The following PDE4D variants were observed in gnomAD, a reference collection of about 807,000 sequenced individuals.
The protein encoded by PDE4D is 3',5'-cyclic-AMP phosphodiesterase 4D.
PDE4D carries 24 observed loss-of-function variants against 87.4 expected under a neutral mutation model. The observed-to-expected ratio is 0.27, with a 90% CI of 0.20 to 0.39. The LOEUF is 0.39. Ranked by LOEUF, PDE4D falls within the 10% of genes least tolerant of loss-of-function variation. The probability of loss-of-function intolerance (pLI) is 1.00; values close to 1 mark genes in which losing one functional copy is unlikely to be tolerated. For synonymous variants in PDE4D, 384 were observed against 383.2 expected (o/e 1.00, Z -0.02); for missense variants, 714 against 1,041.0 (o/e 0.69, Z 4.32).
intron 1 of PDE4D, among the ~76,000 whole-genome samples, chr5:59,580,857 T>C (rs561387718): frequency 6.6e-6 from 1 of 152,298 alleles, no homozygotes; most frequent in East Asian, 1.9e-4. Flanking sequence ...ATTAGAAACC[T>C]GGAGTGCTTT....
chr5:60,345,773 T>C (rs1209814749), intron 1 of PDE4D, among the ~76,000 whole-genome samples: 1 of 152,106 alleles, frequency 6.6e-6, no homozygotes, highest in African/African-American at 2.4e-5. Context: ...GATGACTGAA[T>C]TTCAGATTTT....
chr5:59,643,674 G>A (rs298029), intron 1 of PDE4D, among the ~76,000 whole-genome samples: 111,683 of 152,112 alleles, frequency 0.73, 41,592 homozygotes, highest in South Asian at 0.91. Flanking sequence ...GTGTAAGCAC[G>A]GTACAATTAG....
In PDE4D at chr5:59,822,021, TATAA is replaced by T. The variant is rs1254047485; in HGVS notation, c.455+71143_455+71146del. Among the ~76,000 whole-genome samples, 9 of 152,338 alleles carry T rather than the reference TATAA, an allele frequency of 5.9e-5. No homozygotes were observed. In the South Asian group the frequency reaches 6.2e-4, roughly 11 times the overall value. ...TGCATATTTCTTTATTCCCAATCGT[TATAA>T]ATAAATTTTAAATGTTTCCCACAAA... On this transcript the variant is annotated intron_variant, in intron 1 of 14. Coordinates refer to ENST00000340635, the MANE Select transcript of PDE4D (RefSeq NM_001104631.2).
intron 6 of PDE4D, among the ~76,000 whole-genome samples, chr5:59,011,875 A>C (rs978623419): frequency 6.6e-5 from 10 of 152,204 alleles, no homozygotes; most frequent in African/African-American, 2.4e-4. Context: ...AGTTGAAATG[A>C]AGGAAAAAAT....
intron 1 of PDE4D, among the ~76,000 whole-genome samples, chr5:60,292,461 TATTG>T (rs943636390): frequency 6.6e-6 from 1 of 152,228 alleles, no homozygotes; most frequent in Admixed American, 6.5e-5. Context: ...CAAGAATCTT[TATTG>T]ATTAACTTGT....
chr5:59,829,895 C>A (rs1740920931), intron 1 of PDE4D, among the ~76,000 whole-genome samples: 1 of 151,888 alleles, frequency 6.6e-6, no homozygotes, highest in Non-Finnish European at 1.5e-5. Flanking sequence ...CACCTTCTTT[C>A]TTTAAAATAC....
chr5:59,725,375 T>C (rs1756453780), intron 1 of PDE4D, among the ~76,000 whole-genome samples: 1 of 152,080 alleles, frequency 6.6e-6, no homozygotes, highest in Non-Finnish European at 1.5e-5. Flanking sequence ...ACACCCAAGA[T>C]ATAAACACAT....
chr5:59,696,725 A>G (rs1469350102), intron 1 of PDE4D, among the ~76,000 whole-genome samples: 2 of 152,214 alleles, frequency 1.3e-5, no homozygotes, highest in Non-Finnish European at 2.9e-5. Flanking sequence ...TATTTATTCC[A>G]GTCTCATACT....
intron 1 of PDE4D, among the ~76,000 whole-genome samples, chr5:60,341,380 C>G (rs1042371822): frequency 2.8e-4 from 43 of 152,254 alleles, no homozygotes; most frequent in African/African-American, 1.0e-3. Context: ...TGTGACCATG[C>G]CCTTTCACAG....
intron 1 of PDE4D, among the ~76,000 whole-genome samples, chr5:59,333,345 AG>A (rs1437783415): frequency 6.6e-6 from 1 of 152,108 alleles, no homozygotes; most frequent in Non-Finnish European, 1.5e-5. Context: ...TATATCGAGA[AG>A]GGGGAAGTTA....
At chr5:59,975,486 ATCT>A (rs1761226657) in intron 3 of PDE4D, among the ~76,000 whole-genome samples, 1 of 152,206 alleles carries the variant, frequency 6.6e-6, no homozygotes. Context: ...CTATATCAGT[ATCT>A]TCTTATATTC....
rs138077554 is a variant in PDE4D, at chr5:59,717,315, A to G, written c.455+175853T>C. ...ATAAATTCTCACTCTCAGAAATGCA[A>G]ATATTTCCCTTGCTGTGGGGATGCA... On this transcript the variant is annotated intron_variant, in intron 1 of 14. Transcript: ENST00000340635. 2.9e-4 allele frequency among the ~76,000 whole-genome samples: 44 copies of G among 152,300 alleles called. 1 individual carries two copies. Among genetic ancestry groups the G allele is most frequent in the African/African-American group, 9.9e-4 (41 of 41,580 alleles).
intron 1 of PDE4D, among the ~76,000 whole-genome samples, chr5:59,708,300 G>T (rs1362456402): frequency 2.0e-5 from 3 of 152,026 alleles, no homozygotes; most frequent in Non-Finnish European, 4.4e-5. Flanking sequence ...AAACCCCACA[G>T]CTAGTAGAAG....
At chr5:60,177,772 G>A (rs568853723) in intron 2 of PDE4D, among the ~76,000 whole-genome samples, 4 of 152,204 alleles carry the variant, frequency 2.6e-5, no homozygotes, top group African/African-American at 9.6e-5. Context: ...CTCCTCTCAT[G>A]TTACACATGA....
At chr5:59,900,287 C>CACACACACAT (rs142366012) in intron 3 of PDE4D, among the ~76,000 whole-genome samples, 24 of 145,304 alleles carry the variant, frequency 1.7e-4, no homozygotes, top group Admixed American at 2.8e-4. Context: ...CACACACACA[C>CACACACACAT]ATATATATAT....
intron 1 of PDE4D, among the ~76,000 whole-genome samples, chr5:59,555,594 T>G (rs948484159): frequency 6.6e-6 from 1 of 152,154 alleles, no homozygotes; most frequent in East Asian, 1.9e-4. Context: ...TTCCTGGCAA[T>G]AAGTATAACT....
intron 1 of PDE4D, among the ~76,000 whole-genome samples, chr5:60,468,730 T>C (rs1429807043): frequency 6.6e-6 from 1 of 152,050 alleles, no homozygotes; most frequent in African/African-American, 2.4e-5. Flanking sequence ...CTTACTATGT[T>C]GCCCAGGCTG....
chr5:59,802,896 C>T (rs935461867), intron 1 of PDE4D, among the ~76,000 whole-genome samples: 2 of 152,074 alleles, frequency 1.3e-5, no homozygotes, highest in Non-Finnish European at 2.9e-5. Context: ...GGCCTGATGT[C>T]TTTAATAAGC....
chr5:59,764,813 G>A (rs1036315308), intron 1 of PDE4D, among the ~76,000 whole-genome samples: 3 of 151,814 alleles, frequency 2.0e-5, no homozygotes, highest in Non-Finnish European at 4.4e-5. Flanking sequence ...ACATCACCAT[G>A]CCTGGCTAAT....
Sources: gnomAD v4.1 joint callset for allele counts (sites outside exome capture counted in the v4.1 genomes callset) on GRCh38, gnomAD v4.1.1 for gene constraint, MANE v1.5 for transcripts, NCBI Gene and HGNC (gene_info 2026-07-23, HGNC 2026-07-21) for gene names.